The following SOD2 variants were observed in gnomAD, a reference collection of about 807,000 sequenced individuals.
The protein encoded by SOD2 is superoxide dismutase 2.
In SOD2, 11 loss-of-function variants were observed where a neutral mutation model predicts 27.0. The observed-to-expected ratio is 0.41, with a 90% CI of 0.26 to 0.67. The LOEUF is 0.67. SOD2 is among the 30% of genes least tolerant of loss of function. SOD2 has a pLI of 0.34. For missense variants in SOD2, 250 were observed against 274.5 expected (o/e 0.91, Z 0.63); for synonymous variants, 105 against 103.0 (o/e 1.02, Z -0.12).
At chr6:159,721,193 G>A (rs1351714759) in intron 1 of SOD2, among the ~76,000 whole-genome samples, 3 of 151,304 alleles carry the variant, frequency 2.0e-5, no homozygotes, top group African/African-American at 7.3e-5. Flanking sequence ...TCAGCCTCCC[G>A]AGTAGCTGGG....
intron 1 of SOD2, among the ~76,000 whole-genome samples, chr6:159,752,073 A>C (rs1053808492): frequency 6.6e-6 from 1 of 152,272 alleles, no homozygotes; most frequent in South Asian, 2.1e-4. Flanking sequence ...AAAAAAAAAA[A>C]AAAAATGCTG....
intron 1 of SOD2, chr6:159,713,956 G>A (rs1777878014): frequency 8.3e-6 from 7 of 842,458 alleles, no homozygotes; most frequent in African/African-American, 3.3e-5. Flanking sequence ...CCTTCACCAC[G>A]AACCCCTCCC....
Position 159,679,583 on chromosome 6 carries a change from A to G in SOD2, c.*2910T>C, listed in dbSNP as rs1169099344. 6.6e-6 allele frequency: 1 copy of G among 152,226 alleles called. No homozygotes were observed. The highest frequency in any genetic ancestry group is 1.5e-5 in the Non-Finnish European group (1 of 68,038). 9.4% of individuals were successfully genotyped at this position (152,226 alleles called of 1,614,324 possible). A position where few individuals can be genotyped will look rare whatever the true frequency, so the allele number is the denominator to read the frequency against. ...AAGTTTAATTATTACAAAATAGTTCAAGCAACAGATAGAATTTCAAAAACA... is the reference window on the plus strand; with the variant it reads ...AAGTTTAATTATTACAAAATAGTTCGAGCAACAGATAGAATTTCAAAAACA... On this transcript the variant is annotated 3_prime_UTR_variant, in exon 5 of 5. Transcript: ENST00000538183.
At chr6:159,751,155 A>C (rs1779805700) in intron 1 of SOD2, among the ~76,000 whole-genome samples, 1 of 152,164 alleles carries the variant, frequency 6.6e-6, no homozygotes, top group South Asian at 2.1e-4. Context: ...TAATTAAATT[A>C]TTTTTTCAAA....
chr6:159,755,462 T>A (rs1308173844), intron 1 of SOD2: 2 of 1,613,920 alleles, frequency 1.2e-6, no homozygotes, highest in Non-Finnish European at 1.7e-6. Flanking sequence ...CAGTGAAAAC[T>A]CTCTCACACA....
intron 1 of SOD2, among the ~76,000 whole-genome samples, chr6:159,721,368 TTTTA>T (rs200244867): frequency 0.038 from 5,288 of 140,260 alleles, 326 homozygotes; most frequent in African/African-American, 0.13. Context: ...TGCCCAGCCG[TTTTA>T]TTTATTTATT....
chr6:159,735,693 G>A (rs1004040711), intron 1 of SOD2, among the ~76,000 whole-genome samples: 3 of 152,196 alleles, frequency 2.0e-5, no homozygotes, highest in South Asian at 2.1e-4. Context: ...AGGTTGCAGT[G>A]ACCTGAGATC....
chr6:159,762,003 C>A, exon 1 of SOD2: 1 of 1,523,986 alleles, frequency 6.6e-7, no homozygotes, highest in East Asian at 2.4e-5. Flanking sequence ...CCTCAGGTCC[C>A]GCCCGCGGCA....
upstream of SOD2, chr6:159,748,124 G>C (rs1188571777): frequency 2.0e-6 from 3 of 1,535,634 alleles, no homozygotes; most frequent in Non-Finnish European, 2.6e-6. This position sits in a 1 kb window ranked among gnomAD's most constrained non-coding sequence, Gnocchi z 5.6. Flanking sequence ...AATGGAGGGA[G>C]TTTTCCCCAC....
intron 1 of SOD2, among the ~76,000 whole-genome samples, chr6:159,740,596 T>C (rs6899987): frequency 0.29 from 44,703 of 152,018 alleles, 7,403 homozygotes; most frequent in African/African-American, 0.45. Context: ...ACTACGTGTC[T>C]TAGGTTGTAA....
chr6:159,692,717 G>A lies in SOD2; in HGVS notation c.170C>T (p.Ala57Val), dbSNP rs1184269127. ...MQLHHSKHHA[A>V]YVNNLNVTEE... ...GGTGACGTTCAGGTTGTTCACGTAG[G>A]CCGCGTGGTGCTTGCTGTGGTGCAG... The change falls in exon 2 of 5, where the codon GCC becomes GTC. Residue 57 changes from alanine (A) to valine (V), a missense_variant. By Grantham distance (64) the Ala-to-Val change is moderately conservative. Coordinates refer to ENST00000538183, the MANE Select transcript of SOD2 (RefSeq NM_000636.4). 1.9e-6 allele frequency: 3 copies of A among 1,614,132 alleles called. No homozygotes were observed. In the Admixed American group the frequency reaches 5.0e-5, roughly 27 times the overall value.
intron 1 of SOD2, among the ~76,000 whole-genome samples, chr6:159,750,330 A>ATC (rs1779772619): frequency 6.6e-6 from 1 of 152,218 alleles, no homozygotes; most frequent in Admixed American, 6.5e-5. Context: ...TGACACTTAG[A>ATC]TAACAGTCAT....
upstream of SOD2, among the ~76,000 whole-genome samples, chr6:159,732,270 C>G (rs1441955353): frequency 6.6e-6 from 1 of 152,092 alleles, no homozygotes; most frequent in Admixed American, 6.6e-5. Flanking sequence ...GAACAGCATC[C>G]ATGATACTTT....
intron 1 of SOD2, among the ~76,000 whole-genome samples, chr6:159,739,681 A>G (rs1460807210): frequency 1.3e-5 from 2 of 152,234 alleles, no homozygotes; most frequent in Non-Finnish European, 1.5e-5. Context: ...TAAAAATAAA[A>G]TAAGTATTTT....
At position 159,676,091 on chromosome 6, in the gene SOD2, G is replaced by A. The variant is rs951883555; in HGVS notation, c.*6402C>T. 54 of 152,280 alleles carry A rather than the reference G, an allele frequency of 3.5e-4. No individual in the cohort carries two copies. The highest frequency in any genetic ancestry group is 1.3e-3 in the African/African-American group (52 of 41,546). The allele number at this position is 152,280 out of a possible 1,614,324, so 9.4% of individuals were successfully genotyped here. On this transcript the variant is annotated 3_prime_UTR_variant, in exon 5 of 5. Coordinates refer to ENST00000538183, the MANE Select transcript of SOD2 (RefSeq NM_000636.4). ...AGAATGTCAATCATTAAAAAGTCAG[G>A]AAACAACAGGTGCTGGAGAGGATGT...
intron 1 of SOD2, among the ~76,000 whole-genome samples, chr6:159,714,263 A>G (rs1777884613): frequency 6.6e-6 from 1 of 151,996 alleles, no homozygotes; most frequent in Non-Finnish European, 1.5e-5. Context: ...AAGAAACATC[A>G]TCTCTGCCTA....
intron 1 of SOD2, among the ~76,000 whole-genome samples, chr6:159,732,469 TAC>T (rs1271250317): frequency 1.3e-5 from 2 of 152,214 alleles, no homozygotes; most frequent in African/African-American, 4.8e-5. Flanking sequence ...TATACATAGA[TAC>T]AGATACTGAT....
intron 1 of SOD2, among the ~76,000 whole-genome samples, chr6:159,757,175 C>T (rs145210624): frequency 1.7e-4 from 26 of 152,234 alleles, no homozygotes; most frequent in Non-Finnish European, 2.8e-4. Context: ...AAATGTGTAG[C>T]TTTCATATAT....
At chr6:159,762,106 C>T (rs770247304) in exon 1 of SOD2, 1 of 1,613,298 alleles carries the variant, frequency 6.2e-7, no homozygotes, top group Non-Finnish European at 8.5e-7. Context: ...AGGCTCAGAT[C>T]CTGTGGTCAT....
Sources: gnomAD v4.1 joint callset for allele counts (sites outside exome capture counted in the v4.1 genomes callset) on GRCh38, gnomAD v4.1.1 for gene constraint, Gnocchi (gnomAD v3.1) non-coding constraint, MANE v1.5 for transcripts, NCBI Gene and HGNC (gene_info 2026-07-23, HGNC 2026-07-21) for gene names.